The following DGKI variants were observed in gnomAD, a reference collection of about 807,000 sequenced individuals.
DGKI encodes the protein DAG kinase iota.
A neutral mutation model predicts 147.5 loss-of-function variants in DGKI; 55 were observed. The ratio of observed to expected loss-of-function variants is 0.37; its 90% CI spans 0.30 to 0.47. The LOEUF (loss-of-function observed/expected upper bound fraction) is 0.47. DGKI is among the 20% of genes least tolerant of loss of function. DGKI has a pLI of 1.00. For missense variants in DGKI, 1,007 were observed against 1,323.8 expected (o/e 0.76, Z 3.71); for synonymous variants, 469 against 477.1 (o/e 0.98, Z 0.22).
At chr7:137,722,521 C>G (rs538887707) in intron 1 of DGKI, 49,256 of 1,608,012 alleles carry the variant, frequency 0.031, 871 homozygotes, top group Non-Finnish European at 0.036. Context: ...GACTGGACCT[C>G]TGGTCCTCAA....
intron 21 of DGKI, among the ~76,000 whole-genome samples, chr7:137,491,962 G>C (rs1422782855): frequency 6.6e-6 from 1 of 152,198 alleles, no homozygotes; most frequent in Non-Finnish European, 1.5e-5. Flanking sequence ...GAAATCCCTA[G>C]ATGAGCCCTT....
chr7:137,760,478 A>G (rs1795824087), intron 1 of DGKI, among the ~76,000 whole-genome samples: 1 of 152,160 alleles, frequency 6.6e-6, no homozygotes, highest in Non-Finnish European at 1.5e-5. Context: ...CTGAGGGATA[A>G]AAGGAAAGAA....
intron 1 of DGKI, among the ~76,000 whole-genome samples, chr7:137,764,142 T>C (rs1795938475): frequency 6.6e-6 from 1 of 152,188 alleles, no homozygotes. Context: ...ACCCTAGATG[T>C]GAACGGTGTT....
At chr7:137,596,723 A>G (rs1819810913) in intron 12 of DGKI, among the ~76,000 whole-genome samples, 2 of 152,222 alleles carry the variant, frequency 1.3e-5, no homozygotes, top group Non-Finnish European at 2.9e-5. Context: ...TACTCTCCAC[A>G]CAGTATCTGA....
chr7:137,649,506 A>G (rs1336606134), intron 5 of DGKI, among the ~76,000 whole-genome samples: 1 of 152,144 alleles, frequency 6.6e-6, no homozygotes, highest in Non-Finnish European at 1.5e-5. Context: ...GGAAAGGGCT[A>G]TTACTTACAG....
chr7:137,520,212 T>C (rs1167639339), intron 21 of DGKI, among the ~76,000 whole-genome samples: 1 of 152,112 alleles, frequency 6.6e-6, no homozygotes, highest in Non-Finnish European at 1.5e-5. Context: ...GTGTCCCCAC[T>C]CCAAATTGAA....
At chr7:137,672,497 T>C (rs1563143262) in intron 3 of DGKI, among the ~76,000 whole-genome samples, 1 of 152,216 alleles carries the variant, frequency 6.6e-6, no homozygotes, top group Non-Finnish European at 1.5e-5. Flanking sequence ...TCAATGGCAA[T>C]GGGTGTTCTG....
chr7:137,843,395 C>T, intron 1 of DGKI: 1 of 984,850 alleles, frequency 1.0e-6, no homozygotes, highest in Non-Finnish European at 1.2e-6. Context: ...TACCAGCTCA[C>T]TCGCACTGCC....
intron 21 of DGKI, among the ~76,000 whole-genome samples, chr7:137,520,544 C>T (rs1816926024): frequency 6.6e-6 from 1 of 152,012 alleles, no homozygotes; most frequent in Admixed American, 6.6e-5. Context: ...TCCTCCAGCT[C>T]ACACTTTCCT....
chr7:137,599,978 TA>T (rs1819930971), intron 10 of DGKI, 73 bp from the exon 11 acceptor site: 1 of 1,276,842 alleles, frequency 7.8e-7, no homozygotes. Context: ...ATTTAAAAAA[TA>T]AATACTTTTA....
At chr7:137,570,451 T>A (rs189780173) in intron 19 of DGKI, among the ~76,000 whole-genome samples, 17 of 152,178 alleles carry the variant, frequency 1.1e-4, no homozygotes, top group Non-Finnish European at 2.1e-4. Flanking sequence ...ATAATGGAGA[T>A]GATCATTTTA....
intron 20 of DGKI, among the ~76,000 whole-genome samples, chr7:137,526,961 T>C (rs1264470508): frequency 2.6e-5 from 4 of 152,182 alleles, no homozygotes; most frequent in Non-Finnish European, 5.9e-5. Context: ...AGGGTCACTT[T>C]TAAACCACGG....
intron 1 of DGKI, among the ~76,000 whole-genome samples, chr7:137,720,250 C>CTTTTTTTTT (rs552382033): frequency 9.1e-5 from 8 of 88,220 alleles, no homozygotes; most frequent in Admixed American, 1.6e-4. Flanking sequence ...TTGAAAAAAT[C>CTTTTTTTTT]TTTTTTTTTT....
intron 6 of DGKI, among the ~76,000 whole-genome samples, chr7:137,638,640 A>ATACACATATATGTATGTATATGTG (rs1563126060): frequency 2.5e-5 from 1 of 40,286 alleles, no homozygotes; most frequent in Non-Finnish European, 3.9e-5. Flanking sequence ...GTGTGTATAT[A>ATACACATATATGTATGTATATGTG]TGTGTATGTA....
chr7:137,821,881 G>A (rs563243071), intron 1 of DGKI, among the ~76,000 whole-genome samples: 3 of 152,314 alleles, frequency 2.0e-5, no homozygotes, highest in South Asian at 4.1e-4. Context: ...AGGTGAGGGT[G>A]TGAGGAGGAG....
chr7:137,816,190 C>A (rs1797730714), intron 1 of DGKI, among the ~76,000 whole-genome samples: 1 of 152,100 alleles, frequency 6.6e-6, no homozygotes, highest in South Asian at 2.1e-4. Flanking sequence ...GTCACTTAAC[C>A]CCCAACTCCC....
At chr7:137,839,083 G>A (rs539367282) in intron 1 of DGKI, among the ~76,000 whole-genome samples, 1 of 152,220 alleles carries the variant, frequency 6.6e-6, no homozygotes, top group African/African-American at 2.4e-5. Context: ...ACCCCTCCAC[G>A]GCTGGCTTCC....
At chr7:137,693,081 A>G (rs891389871) in intron 1 of DGKI, among the ~76,000 whole-genome samples, 2 of 152,226 alleles carry the variant, frequency 1.3e-5, no homozygotes, top group Non-Finnish European at 2.9e-5. Context: ...ATAAGAAAAT[A>G]GTTTTATTAT....
chr7:137,528,402 T>G (rs1021837922), intron 20 of DGKI, among the ~76,000 whole-genome samples: 39 of 152,216 alleles, frequency 2.6e-4, no homozygotes, highest in Admixed American at 3.9e-4. Context: ...AAACACATTG[T>G]ACAGAAGTTT....
Sources: allele counts gnomAD v4.1 joint callset (sites outside exome capture counted in the v4.1 genomes callset), GRCh38; gene constraint gnomAD v4.1.1; transcripts MANE v1.5; gene names NCBI Gene and HGNC (gene_info 2026-07-23, HGNC 2026-07-21).